KRT3: variants seen among roughly 807,000 people sequenced by gnomAD.
KRT3 encodes the protein keratin, type II cytoskeletal 3.
A neutral mutation model predicts 45.8 loss-of-function variants in KRT3; 34 were observed. The observed-to-expected ratio is 0.74, with a 90% CI of 0.57 to 0.99. The LOEUF (loss-of-function observed/expected upper bound fraction) is 0.99, where lower values mean the gene tolerates loss of function less well. Ranked by LOEUF, KRT3 falls within the 50% of genes least tolerant of loss-of-function variation. KRT3 has a pLI of 0.00. For missense variants in KRT3, 828 were observed against 820.6 expected, an observed-to-expected ratio of 1.01 and a Z score of -0.11; for synonymous variants, 367 against 329.0, an observed-to-expected ratio of 1.12 and a Z score of -1.25.
chr12:52,790,196 C>T lies in KRT3; in HGVS notation c.1733G>A (p.Gly578Asp). The change falls in exon 9 of 9, where the codon GGC (glycine) becomes GAC (aspartate). Residue 578 changes from glycine to aspartate, a missense_variant. Transcript: ENST00000417996. Reference protein sequence around the residue: ...GGGGIGGGFGGGSSGFSGGSG... With the variant: ...GGGGIGGGFGDGSSGFSGGSG... ...GCCACCGCTGAAACCGCTGCTGCCG[C>T]CGCCAAATCCACCGCCGATTCCACC... 6.5e-7 allele frequency: 1 copy of T among 1,549,154 alleles called. No individual in the cohort carries two copies. The highest frequency in any genetic ancestry group is 8.7e-7 in the Non-Finnish European group (1 of 1,146,646).
At chr12:52,793,341 C>T (rs1281175918) in intron 2 of KRT3, 118 bp from the exon 3 acceptor site, 6 of 664,080 alleles carry the variant, frequency 9.0e-6, no homozygotes, top group Non-Finnish European at 1.6e-5. Flanking sequence ...CTGCCCCTCT[C>T]AGATGAGCAC....
chr12:52,792,358 G>A lies in KRT3; in HGVS notation c.1069C>T (p.Leu357=). ...QSHISDTSVV[L]SMDNNRSLDL... ...AGGGAGCGATTATTGTCCATGGACA[G>A]CACCACAGATGTGTCACTGATGTGG... Residue 357 remains leucine (L), a synonymous_variant, in exon 5 of 9, where the codon CTG becomes TTG. Transcript: ENST00000417996. 1 of 1,613,982 alleles carries A rather than the reference G, an allele frequency of 6.2e-7. No homozygotes were observed. The highest frequency in any genetic ancestry group is 1.1e-5 in the South Asian group (1 of 91,074).
In KRT3 at chr12:52,793,168, T is replaced by C; in HGVS notation, c.922A>G (p.Lys308Glu). The C allele has an allele frequency of 1.2e-6, 2 of 1,611,312 alleles. No individual in the cohort carries two copies. Among genetic ancestry groups the C allele is most frequent in the Middle Eastern group, 3.3e-4 (2 of 6,060 alleles). Residue 308 changes from lysine to glutamate, a missense_variant, in exon 3 of 9, where the codon AAG (lysine) becomes GAG (glutamate). Coordinates refer to ENST00000417996, the MANE Select transcript of KRT3 (RefSeq NM_057088.3). ...ACCTCACACACAGCCCTTACCTTCT[T>C]CAGAGTCACAAATTCATTCTCAGCA... is the stretch of plus-strand genomic sequence containing the variant. ...TAAENEFVTLKKDVDSAYMNK... is the reference protein window; with the variant it reads ...TAAENEFVTLEKDVDSAYMNK...
At chr12:52,794,762 G>C (rs933805409) in intron 1 of KRT3, among the ~76,000 whole-genome samples, 1 of 152,156 alleles carries the variant, frequency 6.6e-6, no homozygotes, top group African/African-American at 2.4e-5. Context: ...ACACTGGCTG[G>C]CATGCCACAG....
At chr12:52,793,092 T>C in intron 3 of KRT3, 71 bp downstream of exon 3, 1 of 1,232,278 alleles carries the variant, frequency 8.1e-7, no homozygotes, top group Admixed American at 1.9e-5. Context: ...GGCAGTGGAG[T>C]GAGGAGATTC....
At position 52,795,434 on chromosome 12, in the gene KRT3, C is replaced by A. The variant is rs1204092013; in HGVS notation, c.609G>T (p.Lys203Asn). 1 of 1,614,060 alleles carries A rather than the reference C, an allele frequency of 6.2e-7. No individual in the cohort carries two copies. The highest frequency in any genetic ancestry group is 8.5e-7 in the Non-Finnish European group (1 of 1,180,046). Residue 203 changes from lysine to asparagine, a missense_variant, in exon 1 of 9, where the codon AAG becomes AAT. Physicochemically the swap from Lys to Asn is moderately conservative, Grantham distance 94. Transcript: ENST00000417996. ...QVKAQEREQI[K>N]TLNNKFASFI... ...AGGAGGCAAACTTGTTGTTGAGGGT[C>A]TTGATCTGTTCCCGCTCCTGGGCCT...
At position 52,789,845 on chromosome 12, in the gene KRT3, G is replaced by A; in HGVS notation, c.*197C>T. ...CCTGGACAATCACAGGCACAGGCTGGAGCCGGAGAGAAGAGCCTGAAATTC... is the reference window on the plus strand; with the variant it reads ...CCTGGACAATCACAGGCACAGGCTGAAGCCGGAGAGAAGAGCCTGAAATTC... On this transcript the variant is annotated 3_prime_UTR_variant, in exon 9 of 9. Coordinates refer to ENST00000417996, the MANE Select transcript of KRT3 (RefSeq NM_057088.3). The A allele has an allele frequency of 1.5e-6, 1 of 668,128 alleles. No homozygotes were observed. 41.4% of individuals were successfully genotyped at this position (668,128 alleles called of 1,614,324 possible). A position where few individuals can be genotyped will look rare whatever the true frequency, so the allele number is the denominator to read the frequency against.
At chr12:52,794,642 A>G (rs564737283) in intron 1 of KRT3, among the ~76,000 whole-genome samples, 1 of 152,316 alleles carries the variant, frequency 6.6e-6, no homozygotes, top group Non-Finnish European at 1.5e-5. Context: ...AAACCACAGT[A>G]CACTCTACAA....
Position 52,792,707 on chromosome 12 carries a change from T to C in KRT3, c.1023+4A>G. On this transcript the variant is annotated splice_donor_region_variant and intron_variant, in intron 4 of 8. Coordinates refer to ENST00000417996, the MANE Select transcript of KRT3 (RefSeq NM_057088.3). ...TGTCCCTTCTTAGTAGGTAACATCC[T>C]TACAGCGTCGTAGAGGGTCCTTAAG... 1 of 1,598,132 alleles carries C rather than the reference T, an allele frequency of 6.3e-7. No homozygotes were observed.
chr12:52,791,305 G>T lies in KRT3; in HGVS notation c.1436C>A (p.Ala479Glu), dbSNP rs764612877. The T allele has an allele frequency of 1.2e-6, 2 of 1,614,100 alleles. No individual in the cohort carries two copies. Among genetic ancestry groups the T allele is most frequent in the Non-Finnish European group, 8.5e-7 (1 of 1,180,036 alleles). The stretch of plus-strand genomic sequence containing the variant: ...CTCCTGGTAGTCACGTAGCAGCCGC[G>T]CCAGGTCATCCTTCGCCTGCTGTAG... ...AALQQAKDDL[A>E]RLLRDYQELM... Residue 479 changes from alanine (A) to glutamate (E), a missense_variant, in exon 7 of 9, where the codon GCG becomes GAG. Ala to Glu is a moderately radical substitution (Grantham distance 107). Coordinates refer to ENST00000417996, the MANE Select transcript of KRT3 (RefSeq NM_057088.3).
At chr12:52,792,614 A>T in intron 4 of KRT3, 97 bp downstream of exon 4, 1 of 1,024,168 alleles carries the variant, frequency 9.8e-7, no homozygotes. Context: ...GGCTCATTCC[A>T]GATGTCTTCT....
intron 8 of KRT3, 22 bp downstream of exon 8, chr12:52,790,816 C>T: frequency 6.4e-7 from 1 of 1,572,690 alleles, no homozygotes; most frequent in Middle Eastern, 1.7e-4. Context: ...CTCTCATTTT[C>T]TTAGCTACTT....
chr12:52,794,159 T>G lies in KRT3; in HGVS notation c.818A>C (p.Asp273Ala). The G allele has an allele frequency of 6.2e-7, 1 of 1,614,148 alleles. No homozygotes were observed. Among genetic ancestry groups the G allele is most frequent in the Non-Finnish European group, 8.5e-7 (1 of 1,180,038 alleles). The change falls in exon 2 of 9, where the codon GAC becomes GCC. Residue 273 changes from aspartate (D) to alanine (A), a missense_variant. Coordinates refer to ENST00000417996, the MANE Select transcript of KRT3 (RefSeq NM_057088.3). ...DNILGERGRL[D>A]SELKNMEDLV... ...GTCCTCCATGTTCTTCAGCTCAGAG[T>G]CCAGGCGCCCTCTCTCCCCGAGGAT...
Position 52,791,337 on chromosome 12 carries a change from C to T in KRT3, c.1404G>A (p.Gln468=), listed in dbSNP as rs748261838. The T allele has an allele frequency of 6.2e-7, 1 of 1,614,250 alleles. No homozygotes were observed. The highest frequency in any genetic ancestry group is 1.1e-5 in the South Asian group (1 of 91,086). The change falls in exon 7 of 9, where the codon CAG becomes CAA. Residue 468 remains glutamine (Q), a synonymous_variant. Transcript: ENST00000417996. ...KDANAKLQEL[Q]AALQQAKDDL... ...CATCCTTCGCCTGCTGTAGAGCAGC[C>T]TGCAGCTCTTGGAGCTTGGCATTGG... is the stretch of plus-strand genomic sequence containing the variant.
Position 52,793,232 on chromosome 12 carries a change from A to C in KRT3, c.867-9T>G, listed in dbSNP as rs756517078. Reference sequence around the variant, plus strand: ...TGATTTCATCCTCATATCTGTGTGAATAAAAAAGAAACAGCTGAGTTTGGT... The same window carrying C: ...TGATTTCATCCTCATATCTGTGTGACTAAAAAAGAAACAGCTGAGTTTGGT... On this transcript the variant is annotated splice_polypyrimidine_tract_variant and intron_variant, in intron 2 of 8. Coordinates refer to ENST00000417996, the MANE Select transcript of KRT3 (RefSeq NM_057088.3). 3.8e-6 allele frequency: 6 copies of C among 1,594,290 alleles called. No individual in the cohort carries two copies. Among genetic ancestry groups the C allele is most frequent in the East Asian group, 4.5e-5 (2 of 44,424 alleles).
chr12:52,794,236 A>G lies in KRT3; in HGVS notation c.741T>C (p.Leu247=). Residue 247 remains leucine (L), a synonymous_variant, in exon 2 of 9, where the codon CTT becomes CTC. Coordinates refer to ENST00000417996, the MANE Select transcript of KRT3 (RefSeq NM_057088.3). ...TGATGTGATTCTCAAAAAGAGGCTC[A>G]AGGTTGTTTGTGCCTGAGATGGAAC... ...GTSSISGTNN[L]EPLFENHINY... 1 of 1,614,126 alleles carries G rather than the reference A, an allele frequency of 6.2e-7. No homozygotes were observed. The highest frequency in any genetic ancestry group is 8.5e-7 in the Non-Finnish European group (1 of 1,179,992).
intron 1 of KRT3, among the ~76,000 whole-genome samples, chr12:52,794,804 G>A (rs1205800983): frequency 6.6e-6 from 1 of 152,320 alleles, no homozygotes; most frequent in African/African-American, 2.4e-5. Context: ...TGGGCCTGGA[G>A]GGGAGGCAGC....
At chr12:52,790,559 C>T (rs1939468642) in intron 8 of KRT3, among the ~76,000 whole-genome samples, 1 of 152,168 alleles carries the variant, frequency 6.6e-6, no homozygotes, top group Non-Finnish European at 1.5e-5. Context: ...AGTGGTTCCT[C>T]CCACAGTACA....
At position 52,794,389 on chromosome 12, in the gene KRT3, C is replaced by T. The variant is rs537599158; in HGVS notation, c.646-58G>A. The T allele has an allele frequency of 8.6e-4, 1,146 of 1,329,404 alleles. 14 individuals carry two copies. The South Asian group carries it at 0.013, about 15-fold the overall frequency. The allele number at this position is 1,329,404 out of a possible 1,614,324, so 82.4% of individuals were successfully genotyped here. ...CACTTGTAGCAGAGGAGCAGAGGGG[C>T]CTTCACTCAGGTAGGACTAGGTGTC... On this transcript the variant is annotated intron_variant, in intron 1 of 8. Transcript: ENST00000417996.
Sources: gnomAD v4.1 joint callset for allele counts (sites outside exome capture counted in the v4.1 genomes callset) on GRCh38, gnomAD v4.1.1 for gene constraint, MANE v1.5 for transcripts, NCBI Gene and HGNC (gene_info 2026-07-23, HGNC 2026-07-21) for gene names.